Variants in GRM1 observed in about 807,000 individuals in gnomAD.
GRM1 encodes the protein glutamate metabotropic receptor 1, also known as metabotropic glutamate receptor 1.
GRM1 carries 33 observed loss-of-function variants against 90.9 expected under a neutral mutation model. The observed-to-expected ratio is 0.36, with a 90% CI of 0.28 to 0.49. The LOEUF is 0.49. Among genes scored for constraint, GRM1 ranks in the 20% least tolerant of loss-of-function variants. The pLI is 0.99. For missense variants in GRM1, 1,190 were observed against 1,534.3 expected, an observed-to-expected ratio of 0.78 and a Z score of 3.75; for synonymous variants, 700 against 613.2, an observed-to-expected ratio of 1.14 and a Z score of -2.09.
In GRM1 at chr6:146,174,887, T is replaced by C. The variant is rs577317222; in HGVS notation, c.950+15290T>C. ...CACTTTGCCATTGCCATGGCTCAGATTCTTGCTGGCTATTTGTTGGAGCTA... is the reference window on the plus strand; with the variant it reads ...CACTTTGCCATTGCCATGGCTCAGACTCTTGCTGGCTATTTGTTGGAGCTA... On this transcript the variant is annotated intron_variant, in intron 2 of 7. Transcript: ENST00000282753. Among the ~76,000 whole-genome samples the C allele has an allele frequency of 2.6e-5, 4 of 152,338 alleles. 1 individual carries two copies. In the South Asian group the frequency reaches 8.3e-4, roughly 32 times the overall value.
intron 2 of GRM1, among the ~76,000 whole-genome samples, chr6:146,187,037 T>C (rs940817689): frequency 1.1e-4 from 17 of 152,162 alleles, no homozygotes; most frequent in African/African-American, 3.6e-4. Flanking sequence ...GAAGAAGAAA[T>C]GCAATATTAC....
chr6:146,364,748 C>CTCTG (rs1234772313), intron 5 of GRM1, among the ~76,000 whole-genome samples: 3 of 151,378 alleles, frequency 2.0e-5, no homozygotes, highest in Non-Finnish European at 4.4e-5. Context: ...GCCTCTCTCT[C>CTCTG]TCTGTCTGTC....
intron 3 of GRM1, among the ~76,000 whole-genome samples, chr6:146,329,924 T>G (rs1396025802): frequency 6.6e-6 from 1 of 152,214 alleles, no homozygotes; most frequent in East Asian, 1.9e-4. Context: ...TTCTTCTGAA[T>G]GTGTATATCT....
intron 1 of GRM1, among the ~76,000 whole-genome samples, chr6:146,047,311 T>A (rs1236352152): frequency 1.8e-5 from 1 of 56,670 alleles, no homozygotes; most frequent in Non-Finnish European, 4.6e-5. Flanking sequence ...CCTTGTAGCA[T>A]TTGTGTTAGA....
At chr6:146,266,331 CTT>C (rs1417099896) in intron 2 of GRM1, among the ~76,000 whole-genome samples, 1 of 152,056 alleles carries the variant, frequency 6.6e-6, no homozygotes, top group Admixed American at 6.5e-5. Flanking sequence ...TGAATTATAA[CTT>C]AAATATAATT....
intron 2 of GRM1, among the ~76,000 whole-genome samples, chr6:146,230,280 G>A (rs1780403131): frequency 6.6e-6 from 1 of 152,120 alleles, no homozygotes; most frequent in African/African-American, 2.4e-5. Flanking sequence ...ATAAAGGACT[G>A]TTGTCCATAT....
At chr6:146,049,821 A>C (rs1283554838) in intron 1 of GRM1, among the ~76,000 whole-genome samples, 7 of 151,964 alleles carry the variant, frequency 4.6e-5, no homozygotes, top group African/African-American at 1.7e-4. Context: ...AACACTGTGC[A>C]ATTGTTCAAT....
At chr6:146,128,255 A>G (rs970113996) in intron 1 of GRM1, among the ~76,000 whole-genome samples, 1 of 152,190 alleles carries the variant, frequency 6.6e-6, no homozygotes, top group Non-Finnish European at 1.5e-5. Context: ...TAGGAAGAAC[A>G]TGTGGAAGGG....
chr6:146,380,987 A>C (rs902680941), intron 5 of GRM1, among the ~76,000 whole-genome samples: 2 of 152,114 alleles, frequency 1.3e-5, no homozygotes, highest in African/African-American at 2.4e-5. Context: ...CTTAGCTGGT[A>C]TCCTAGATGC....
Position 146,029,851 on chromosome 6 carries a change from T to C in GRM1, c.334T>C (p.Ser112Pro). 1 of 1,614,128 alleles carries C rather than the reference T, an allele frequency of 6.2e-7. No homozygotes were observed. The highest frequency in any genetic ancestry group is 8.5e-7 in the Non-Finnish European group (1 of 1,180,016). ...GSEIRDSCWH[S>P]SVALEQSIEF... is the part of the protein sequence containing the mutation. Reference sequence around the variant, plus strand: ...TGAGATCCGGGACTCCTGCTGGCACTCTTCCGTGGCTCTGGAACAGAGCAT... The same window carrying C: ...TGAGATCCGGGACTCCTGCTGGCACCCTTCCGTGGCTCTGGAACAGAGCAT... The change falls in exon 1 of 8, where the codon TCT becomes CCT. Residue 112 changes from serine (S) to proline (P), a missense_variant. This residue lies in a region of GRM1 where 91 missense variants were observed against 95.6 expected (regional missense o/e 0.95). Coordinates refer to ENST00000282753, the MANE Select transcript of GRM1 (RefSeq NM_001278064.2).
intron 5 of GRM1, among the ~76,000 whole-genome samples, chr6:146,377,481 G>T (rs1017614628): frequency 1.2e-4 from 18 of 152,152 alleles, no homozygotes; most frequent in African/African-American, 4.3e-4. Context: ...GAGACCTGTG[G>T]AACATTGAAT....
intron 2 of GRM1, among the ~76,000 whole-genome samples, chr6:146,180,577 T>C (rs1404666097): frequency 6.6e-6 from 1 of 152,212 alleles, no homozygotes; most frequent in East Asian, 1.9e-4. Flanking sequence ...TTATTCTATT[T>C]AAGAAAGAAC....
chr6:146,175,728 T>C (rs1028903182), intron 2 of GRM1, among the ~76,000 whole-genome samples: 5 of 152,012 alleles, frequency 3.3e-5, no homozygotes, highest in Non-Finnish European at 7.4e-5. Flanking sequence ...CAGGTCTTCA[T>C]GCACAATTCA....
intron 5 of GRM1, among the ~76,000 whole-genome samples, chr6:146,374,431 G>T (rs1445135571): frequency 6.6e-6 from 1 of 152,106 alleles, no homozygotes; most frequent in African/African-American, 2.4e-5. Flanking sequence ...GTTATAGTTT[G>T]AGTAGAATTG....
At chr6:146,159,257 C>G in intron 1 of GRM1, 91 bp from the exon 2 acceptor site, 1 of 1,503,698 alleles carries the variant, frequency 6.7e-7, no homozygotes, top group Non-Finnish European at 9.3e-7. Flanking sequence ...TCCGTTCTCT[C>G]CATTCCTGTG....
chr6:146,174,712 T>G (rs1778269147), intron 2 of GRM1, among the ~76,000 whole-genome samples: 1 of 152,242 alleles, frequency 6.6e-6, no homozygotes, highest in South Asian at 2.1e-4. Context: ...CCCAGGGCTT[T>G]GTGCCTTGAA....
intron 2 of GRM1, among the ~76,000 whole-genome samples, chr6:146,285,381 TCTC>T (rs1188588594): frequency 2.0e-5 from 3 of 152,184 alleles, no homozygotes; most frequent in Non-Finnish European, 4.4e-5. Context: ...AAGCTGCACT[TCTC>T]CTTGTGTCTA....
At chr6:146,028,238 TGTGTG>T (rs1394781531), upstream of GRM1, among the ~76,000 whole-genome samples, 18 of 113,398 alleles carry the variant, frequency 1.6e-4, no homozygotes, top group African/African-American at 6.6e-4. Flanking sequence ...AGGGAGTGTG[TGTGTG>T]TGTGTGTGTG....
intron 3 of GRM1, among the ~76,000 whole-genome samples, chr6:146,324,926 T>A (rs1784351738): frequency 6.6e-6 from 1 of 152,148 alleles, no homozygotes; most frequent in Non-Finnish European, 1.5e-5. Flanking sequence ...ACTGTCAAAA[T>A]TACTGCGTTA....
Sources: allele counts gnomAD v4.1 joint callset (sites outside exome capture counted in the v4.1 genomes callset), GRCh38; gene constraint gnomAD v4.1.1; regional missense constraint gnomAD v4.1.1; transcripts MANE v1.5; gene names NCBI Gene and HGNC (gene_info 2026-07-23, HGNC 2026-07-21).